MYH10: variants seen among roughly 807,000 people sequenced by gnomAD.
The protein encoded by MYH10 is myosin heavy chain 10, also known as myosin-10.
A neutral mutation model predicts 257.8 loss-of-function variants in MYH10; 55 were observed. The observed-to-expected ratio is 0.21, with a 90% CI of 0.17 to 0.27. The LOEUF (loss-of-function observed/expected upper bound fraction) is 0.27. Ranked by LOEUF, MYH10 falls within the 10% of genes least tolerant of loss-of-function variation. The pLI, the probability that MYH10 is intolerant of heterozygous loss-of-function variation, is 1.00. For synonymous variants in MYH10, 854 were observed against 921.7 expected, an observed-to-expected ratio of 0.93 and a Z score of 1.33; for missense variants, 1,631 against 2,500.6, an observed-to-expected ratio of 0.65 and a Z score of 7.42.
Position 8,576,641 on chromosome 17 carries a change from G to A in MYH10, c.663+2C>T, listed in dbSNP as rs1341285010. The A allele has an allele frequency of 5.2e-6, 8 of 1,550,458 alleles. No individual in the cohort carries two copies. The highest frequency in any genetic ancestry group is 1.4e-5 in the African/African-American group (1 of 73,022). ...CTAAGAAGCATAAAGAAGAGCACTT[G>A]CCTGGTGTTTCACTGGTTTAGGCGA... is the stretch of plus-strand genomic sequence containing the variant. On this transcript the variant is annotated splice_donor_variant, in intron 6 of 42. Transcript: ENST00000360416. LOFTEE classifies it low-confidence loss of function (GC_TO_GT_DONOR).
Position 8,480,479 on chromosome 17 carries a change from G to T in MYH10, c.5311C>A (p.Gln1771Lys). 1 of 1,612,038 alleles carries T rather than the reference G, an allele frequency of 6.2e-7. No individual in the cohort carries two copies. Among genetic ancestry groups the T allele is most frequent in the Non-Finnish European group, 8.5e-7 (1 of 1,179,968 alleles). ...TCCTCTTCCAGCTCCTCCTCCAGCT[G>T]TGCGATCCGAGCTTCCAGACGCCGC... ...EKRRLEARIA[Q>K]LEEELEEEQS... is the part of the protein sequence containing the mutation. The change falls in exon 39 of 43, where the codon CAG becomes AAG. Residue 1771 changes from glutamine to lysine, a missense_variant. Gln to Lys is a moderately conservative substitution (Grantham distance 53). This residue lies in a region of MYH10 where 343 missense variants were observed against 389.5 expected (regional missense o/e 0.88). Coordinates refer to ENST00000360416, the MANE Select transcript of MYH10 (RefSeq NM_001256012.3).
intron 3 of MYH10, among the ~76,000 whole-genome samples, chr17:8,600,884 C>T (rs1023009732): frequency 3.3e-5 from 5 of 151,996 alleles, no homozygotes; most frequent in Admixed American, 6.6e-5. Flanking sequence ...AGCCAAGTCT[C>T]GGTTAAAGCT....
chr17:8,560,008 C>T (rs949156299), intron 7 of MYH10, among the ~76,000 whole-genome samples: 1 of 152,066 alleles, frequency 6.6e-6, no homozygotes, highest in Non-Finnish European at 1.5e-5. Context: ...TTTAATTCTG[C>T]GGAAAGGTTC....
At chr17:8,550,900 GGC>G (rs534542438) in intron 9 of MYH10, among the ~76,000 whole-genome samples, 2,802 of 151,904 alleles carry the variant, frequency 0.018, 90 homozygotes, top group African/African-American at 0.063. Flanking sequence ...ATGGATTAAG[GGC>G]GGTGCAAGAT....
intron 29 of MYH10, 120 bp downstream of exon 29, chr17:8,500,706 G>T: frequency 8.0e-7 from 1 of 1,248,452 alleles, no homozygotes; most frequent in Non-Finnish European, 1.1e-6. Context: ...AGCCCACTCA[G>T]TGACGTACAG....
intron 7 of MYH10, 88 bp from the exon 8 acceptor site, chr17:8,554,106 C>T (rs1597813419): frequency 1.1e-6 from 1 of 900,518 alleles, no homozygotes; most frequent in East Asian, 2.5e-5. Context: ...AACAAGTATC[C>T]ATGAATTAGT....
intron 7 of MYH10, among the ~76,000 whole-genome samples, chr17:8,565,494 TA>T (rs145277699): frequency 6.6e-6 from 1 of 152,018 alleles, no homozygotes; most frequent in South Asian, 2.1e-4. Context: ...AAACTATTAC[TA>T]AAAAAAATAC....
At chr17:8,494,905 T>C (rs1916346893) in intron 31 of MYH10, among the ~76,000 whole-genome samples, 1 of 152,192 alleles carries the variant, frequency 6.6e-6, no homozygotes, top group African/African-American at 2.4e-5. Context: ...GCTGGAGCTG[T>C]CTCCGAGGCC....
chr17:8,545,486 T>C lies in MYH10; in HGVS notation c.1393A>G (p.Ile465Val). 6.2e-7 allele frequency: 1 copy of C among 1,613,794 alleles called. No homozygotes were observed. The highest frequency in any genetic ancestry group is 8.5e-7 in the Non-Finnish European group (1 of 1,179,964). Residue 465 changes from isoleucine to valine, a missense_variant, in exon 13 of 43, where the codon ATT becomes GTT. Physicochemically the swap from Ile to Val is conservative, Grantham distance 29. Coordinates refer to ENST00000360416, the MANE Select transcript of MYH10 (RefSeq NM_001256012.3). The surrounding 1 kb of genome is among the most constrained non-coding windows in gnomAD (Gnocchi z 4.7). Reference sequence around the variant, plus strand: ...AATCCAGCAATATCCAGGATTCCAATGAAAGATGCTCCCTGACGTTTGGTC... The same window carrying C: ...AATCCAGCAATATCCAGGATTCCAACGAAAGATGCTCCCTGACGTTTGGTC... ...DRTKRQGASF[I>V]GILDIAGFEI...
chr17:8,522,949 C>A (rs1489321462), intron 17 of MYH10, among the ~76,000 whole-genome samples: 1 of 152,176 alleles, frequency 6.6e-6, no homozygotes, highest in African/African-American at 2.4e-5. Flanking sequence ...TCTCCTGTAC[C>A]CTACTTCCCC....
intron 42 of MYH10, among the ~76,000 whole-genome samples, chr17:8,476,515 G>A (rs1487821352): frequency 6.8e-6 from 1 of 147,652 alleles, no homozygotes; most frequent in African/African-American, 2.7e-5. Context: ...TGAGGAGGAC[G>A]GTGCTGAGGA....
At position 8,545,634 on chromosome 17, in the gene MYH10, A is replaced by G; in HGVS notation, c.1279-34T>C. The G allele has an allele frequency of 6.3e-7, 1 of 1,597,420 alleles. No individual in the cohort carries two copies. Among genetic ancestry groups the G allele is most frequent in the Non-Finnish European group, 8.5e-7 (1 of 1,173,258 alleles). ...AAATCACAACAACCTTTTATTCTGG[A>G]AACAATCTCAACAAAGCATAAATAG... On this transcript the variant is annotated intron_variant, in intron 12 of 42. Coordinates refer to ENST00000360416, the MANE Select transcript of MYH10 (RefSeq NM_001256012.3). The surrounding 1 kb of genome is among the most constrained non-coding windows in gnomAD (Gnocchi z 4.7).
At chr17:8,488,569 G>A (rs370162939) in intron 35 of MYH10, among the ~76,000 whole-genome samples, 3 of 152,342 alleles carry the variant, frequency 2.0e-5, no homozygotes, top group East Asian at 3.9e-4. Context: ...GAGGCTCAGC[G>A]AGCAAAGAAA....
rs115079472 is a variant in MYH10 at position 8,616,291 on chromosome 17, A to T, written c.345+6611T>A. Among the ~76,000 whole-genome samples, 1,128 of 152,288 alleles carry T rather than the reference A, an allele frequency of 7.4e-3. 10 individuals carry two copies. The highest frequency in any genetic ancestry group is 0.026 in the African/African-American group (1,080 of 41,542). On this transcript the variant is annotated intron_variant, in intron 2 of 42. Coordinates refer to ENST00000360416, the MANE Select transcript of MYH10 (RefSeq NM_001256012.3). ...GAGCAAAACTTTGTCTCCAAAAAAA[A>T]AAAGTATAAGATTTAGTGAAAAATA...
intron 2 of MYH10, among the ~76,000 whole-genome samples, chr17:8,616,027 T>C (rs1025677982): frequency 2.0e-5 from 3 of 152,248 alleles, no homozygotes; most frequent in African/African-American, 7.2e-5. Context: ...CTCACGCCTA[T>C]AATCCCAACA....
intron 26 of MYH10, among the ~76,000 whole-genome samples, chr17:8,507,306 G>GT (rs2151861610): frequency 6.6e-6 from 1 of 152,286 alleles, no homozygotes; most frequent in East Asian, 1.9e-4. Flanking sequence ...CAACCCCATC[G>GT]TCTTCCTATC....
chr17:8,602,799 C>T (rs1039650125), intron 3 of MYH10, among the ~76,000 whole-genome samples: 5 of 152,140 alleles, frequency 3.3e-5, no homozygotes, highest in Non-Finnish European at 5.9e-5. Context: ...ATTTATTTAA[C>T]TTTCTTGTGC....
At chr17:8,524,700 T>C (rs1282125235) in intron 17 of MYH10, among the ~76,000 whole-genome samples, 1 of 152,176 alleles carries the variant, frequency 6.6e-6, no homozygotes, top group Non-Finnish European at 1.5e-5. Context: ...CTCCCCCATT[T>C]CATCCTCTAC....
chr17:8,576,706 G>C, intron 5 of MYH10, 34 bp from the exon 6 acceptor site: 1 of 1,548,048 alleles, frequency 6.5e-7, no homozygotes, highest in South Asian at 1.2e-5. Flanking sequence ...GCAAATGTTA[G>C]CAAGTTTGAG....
Sources: gnomAD v4.1 joint callset for allele counts (sites outside exome capture counted in the v4.1 genomes callset) on GRCh38, gnomAD v4.1.1 for gene constraint, gnomAD v4.1.1 regional missense constraint, Gnocchi (gnomAD v3.1) non-coding constraint, MANE v1.5 for transcripts, NCBI Gene and HGNC (gene_info 2026-07-23, HGNC 2026-07-21) for gene names.